The following LRRN2 variants were observed in gnomAD, a reference collection of about 807,000 sequenced individuals.
LRRN2 encodes leucine rich repeat neuronal 2.
Under a neutral mutation model 35.7 loss-of-function variants are expected in LRRN2, and 10 were observed. The ratio of observed to expected loss-of-function variants is 0.28; its 90% CI spans 0.17 to 0.47. The LOEUF (loss-of-function observed/expected upper bound fraction) is 0.47, where lower values mean the gene tolerates loss of function less well. Ranked by LOEUF, LRRN2 falls within the 20% of genes least tolerant of loss-of-function variation. LRRN2 has a pLI of 0.99. For missense variants in LRRN2, 731 were observed against 940.3 expected (o/e 0.78, Z 2.91); for synonymous variants, 391 against 409.6 (o/e 0.95, Z 0.55).
chr1:204,668,452 G>A (rs548992078), intron 1 of LRRN2, among the ~76,000 whole-genome samples: 143 of 152,256 alleles, frequency 9.4e-4, no homozygotes, highest in Admixed American at 2.4e-3. Flanking sequence ...AAGATTAGCC[G>A]GGTGTGGTGG....
rs182204828 is a variant in LRRN2 at position 204,618,053 on chromosome 1, G to A, written c.1940C>T (p.Ala647Val). The A allele has an allele frequency of 4.2e-5, 67 of 1,612,998 alleles. No homozygotes were observed. In the East Asian group the frequency reaches 4.2e-4, roughly 10 times the overall value. ...GGGTTGGCCTGTGCCAAGGTGGGCC[G>A]CTAGCCCAGCTGCCAGGAGAAGGAC... The part of the protein sequence containing the change: ...LAVLLLAAGL[A>V]AHLGTGQPRK... Residue 647 changes from alanine to valine, a missense_variant, in exon 2 of 2, where the codon GCG (alanine) becomes GTG (valine). Transcript: ENST00000367177.
chr1:204,671,883 G>GGCA (rs1668722098), intron 1 of LRRN2, among the ~76,000 whole-genome samples: 1 of 152,178 alleles, frequency 6.6e-6, no homozygotes, highest in African/African-American at 2.4e-5. Context: ...GATACAGAGT[G>GGCA]TGAACTTGCA....
intron 1 of LRRN2, among the ~76,000 whole-genome samples, chr1:204,645,973 A>G (rs1385198043): frequency 6.6e-6 from 1 of 152,184 alleles, no homozygotes; most frequent in Non-Finnish European, 1.5e-5. Flanking sequence ...GAGCCAAACC[A>G]TATCACTATG....
At chr1:204,623,174 G>C (rs376862478) in intron 1 of LRRN2, among the ~76,000 whole-genome samples, 55 of 152,312 alleles carry the variant, frequency 3.6e-4, no homozygotes, top group African/African-American at 1.3e-3. Flanking sequence ...AGGAGGTGGA[G>C]AGGGGTCTTC....
In LRRN2 at chr1:204,618,208, G is replaced by A; in HGVS notation, c.1785C>T (p.Ala595=). 6.2e-7 allele frequency: 1 copy of A among 1,614,108 alleles called. No homozygotes were observed. Among genetic ancestry groups the A allele is most frequent in the Non-Finnish European group, 8.5e-7 (1 of 1,179,998 alleles). The change falls in exon 2 of 2, where the codon GCC becomes GCT. Residue 595 remains alanine, a synonymous_variant. Coordinates refer to ENST00000367177, the MANE Select transcript of LRRN2 (RefSeq NM_201630.2). Reference sequence around the variant, plus strand: ...CATCAGCAAAGGCCACTTGCAGGCAGGCCCAGTACTCCGTGGCCTGAAGGA... The same window carrying A: ...CATCAGCAAAGGCCACTTGCAGGCAAGCCCAGTACTCCGTGGCCTGAAGGA... ...TRLLQATEYW[A]CLQVAFADAH...
intron 1 of LRRN2, among the ~76,000 whole-genome samples, chr1:204,665,264 A>G (rs1329228322): frequency 1.3e-5 from 2 of 152,094 alleles, no homozygotes; most frequent in African/African-American, 4.8e-5. Flanking sequence ...GCAATCCCAC[A>G]TGGCTCGCCA....
At chr1:204,676,550 T>C (rs1469239945) in intron 1 of LRRN2, among the ~76,000 whole-genome samples, 5 of 152,114 alleles carry the variant, frequency 3.3e-5, no homozygotes, top group African/African-American at 9.7e-5. Context: ...TGGGACCCAG[T>C]GGGGCTCAAT....
chr1:204,619,375 G>A lies in LRRN2; in HGVS notation c.618C>T (p.Asp206=). 1.2e-6 allele frequency: 2 copies of A among 1,614,260 alleles called. No homozygotes were observed. The highest frequency in any genetic ancestry group is 8.5e-7 in the Non-Finnish European group (1 of 1,180,048). The change falls in exon 2 of 2, where the codon GAC becomes GAT. Residue 206 remains aspartate (D), a synonymous_variant. Transcript: ENST00000367177. Reference sequence around the variant, plus strand: ...GGTTGGCCAGGGGCCGGAAGTTCATGTCCAGGATGGCATCTACCTTGTTGC... The same window carrying A: ...GGTTGGCCAGGGGCCGGAAGTTCATATCCAGGATGGCATCTACCTTGTTGC... ...IGGNKVDAIL[D]MNFRPLANLR...
rs183146597 is a variant in LRRN2, at chr1:204,664,682, T to G, written c.-227+20638A>C. ...TAAGCCCCTGTGAGTTAATTTTCAGTCTCACAGCTCTTCTCAATCCAACAG... is the reference window on the plus strand; with the variant it reads ...TAAGCCCCTGTGAGTTAATTTTCAGGCTCACAGCTCTTCTCAATCCAACAG... On this transcript the variant is annotated intron_variant, in intron 1 of 1. Coordinates refer to ENST00000367177, the MANE Select transcript of LRRN2 (RefSeq NM_201630.2). 4 of 152,314 alleles carry G rather than the reference T, an allele frequency of 2.6e-5. No individual in the cohort carries two copies. In the East Asian group the frequency reaches 7.7e-4, roughly 29 times the overall value. The allele number at this position is 152,314 out of a possible 1,614,324, so 9.4% of individuals were successfully genotyped here. A position where few individuals can be genotyped will look rare whatever the true frequency, so the allele number is the denominator to read the frequency against.
Position 204,617,731 on chromosome 1 carries a change from G to C in LRRN2, c.*120C>G. 8.7e-7 allele frequency: 1 copy of C among 1,153,768 alleles called. No individual in the cohort carries two copies. The highest frequency in any genetic ancestry group is 1.3e-6 in the Non-Finnish European group (1 of 787,866). 71.5% of individuals were successfully genotyped at this position (1,153,768 alleles called of 1,614,324 possible). On this transcript the variant is annotated 3_prime_UTR_variant, in exon 2 of 2. Coordinates refer to ENST00000367177, the MANE Select transcript of LRRN2 (RefSeq NM_201630.2). ...AAGCCCCATCTGTCTTGGCCCAGCTGCCAGGCCTCAAGCACGTGGGTCCAT... is the reference window on the plus strand; with the variant it reads ...AAGCCCCATCTGTCTTGGCCCAGCTCCCAGGCCTCAAGCACGTGGGTCCAT...
At chr1:204,668,060 C>T (rs6684365) in intron 1 of LRRN2, among the ~76,000 whole-genome samples, 26,123 of 152,036 alleles carry the variant, frequency 0.17, 2,569 homozygotes, top group East Asian at 0.39. Flanking sequence ...CCATTCCTGG[C>T]GTGGAATGAA....
chr1:204,664,617 T>G (rs1050535099), intron 1 of LRRN2: 1 of 152,228 alleles, frequency 6.6e-6, no homozygotes, highest in Non-Finnish European at 1.5e-5. Context: ...TAAATGCCCC[T>G]TTCGCCTGTG....
chr1:204,637,815 A>G (rs1238737516), intron 1 of LRRN2, among the ~76,000 whole-genome samples: 1 of 152,104 alleles, frequency 6.6e-6, no homozygotes, highest in Non-Finnish European at 1.5e-5. Flanking sequence ...CCATGGCAAC[A>G]CCGTGCTCTT....
chr1:204,632,900 C>T (rs1368796910), intron 1 of LRRN2, among the ~76,000 whole-genome samples: 2 of 151,298 alleles, frequency 1.3e-5, no homozygotes, highest in African/African-American at 2.4e-5. Flanking sequence ...CATCACTGCA[C>T]TCCAGCCTGG....
chr1:204,622,393 A>G (rs988049770), intron 1 of LRRN2, among the ~76,000 whole-genome samples: 1 of 152,216 alleles, frequency 6.6e-6, no homozygotes, highest in Admixed American at 6.5e-5. Flanking sequence ...CTGAGCAGGA[A>G]CACAGCAAGC....
At chr1:204,684,963 T>C (rs1316402508) in intron 1 of LRRN2, among the ~76,000 whole-genome samples, 1 of 152,014 alleles carries the variant, frequency 6.6e-6, no homozygotes, top group Non-Finnish European at 1.5e-5. Flanking sequence ...AGGGCCCCAC[T>C]CTACCCAGCA....
At chr1:204,633,211 G>C (rs931032936) in intron 1 of LRRN2, 2 of 152,218 alleles carry the variant, frequency 1.3e-5, no homozygotes, top group African/African-American at 4.8e-5. Flanking sequence ...TTCACCAGAT[G>C]CTGGCACCTT....
chr1:204,653,618 T>C lies in LRRN2; in HGVS notation c.-227+31702A>G, dbSNP rs900028787. ...GCTCATGCCTGTAATCCTAGTGCTC[T>C]GGGAGGCAGAGGCAGGAGGATCACT... On this transcript the variant is annotated intron_variant, in intron 1 of 1. Transcript: ENST00000367177. Among the ~76,000 whole-genome samples, 3 of 152,298 alleles carry C rather than the reference T, an allele frequency of 2.0e-5. No individual in the cohort carries two copies. In the East Asian group the frequency reaches 5.8e-4, roughly 29 times the overall value.
chr1:204,683,947 C>A (rs1368588175), intron 1 of LRRN2, among the ~76,000 whole-genome samples: 2 of 152,198 alleles, frequency 1.3e-5, no homozygotes, highest in East Asian at 3.8e-4. Flanking sequence ...GCTCCAGTGC[C>A]CAGTGCAGAG....
Sources: allele counts gnomAD v4.1 joint callset (sites outside exome capture counted in the v4.1 genomes callset), GRCh38; gene constraint gnomAD v4.1.1; transcripts MANE v1.5; gene names NCBI Gene and HGNC (gene_info 2026-07-23, HGNC 2026-07-21).